Variants in FAM135B observed in about 807,000 individuals in gnomAD.
FAM135B encodes the protein protein FAM135B.
A neutral mutation model predicts 127.7 loss-of-function variants in FAM135B; 43 were observed. The observed-to-expected ratio is 0.34, with a 90% CI of 0.26 to 0.43. The LOEUF is 0.43. Ranked by LOEUF, FAM135B falls within the 20% of genes least tolerant of loss-of-function variation. FAM135B has a pLI of 1.00. For missense variants in FAM135B, 1,558 were observed against 1,725.6 expected (o/e 0.90, Z 1.72); for synonymous variants, 670 against 665.1 (o/e 1.01, Z -0.11).
intron 1 of FAM135B, among the ~76,000 whole-genome samples, chr8:138,376,807 T>G (rs989911662): frequency 1.3e-5 from 2 of 152,210 alleles, no homozygotes; most frequent in Non-Finnish European, 2.9e-5. Flanking sequence ...GCAATCACTA[T>G]TTTTATTTCC....
intron 3 of FAM135B, among the ~76,000 whole-genome samples, chr8:138,278,122 G>A (rs1422955587): frequency 2.0e-5 from 3 of 152,074 alleles, no homozygotes; most frequent in Middle Eastern, 3.4e-3. Context: ...GCACCAAGAC[G>A]TTGATGTGAC....
intron 19 of FAM135B, among the ~76,000 whole-genome samples, chr8:138,133,292 A>C (rs1193613632): frequency 6.6e-6 from 1 of 152,158 alleles, no homozygotes; most frequent in Non-Finnish European, 1.5e-5. Flanking sequence ...AGTTTTCTTT[A>C]TGTTGGTTTG....
intron 2 of FAM135B, among the ~76,000 whole-genome samples, chr8:138,358,078 G>C (rs1830201168): frequency 6.6e-6 from 1 of 152,104 alleles, no homozygotes; most frequent in South Asian, 2.1e-4. Context: ...GCAGGCAAGA[G>C]AGCATGTGTA....
At chr8:138,277,843 A>G (rs1823951221) in intron 3 of FAM135B, among the ~76,000 whole-genome samples, 1 of 152,164 alleles carries the variant, frequency 6.6e-6, no homozygotes, top group African/African-American at 2.4e-5. Context: ...GCATCCCTCC[A>G]ATACACACAC....
At chr8:138,266,595 ATATATG>A (rs1281308876) in intron 3 of FAM135B, among the ~76,000 whole-genome samples, 5 of 136,340 alleles carry the variant, frequency 3.7e-5, no homozygotes, top group Admixed American at 7.5e-5. Context: ...GTGTGTGTAT[ATATATG>A]TATATGTATA....
intron 2 of FAM135B, among the ~76,000 whole-genome samples, chr8:138,337,476 A>G (rs1299224711): frequency 6.6e-6 from 1 of 151,198 alleles, no homozygotes; most frequent in Admixed American, 6.6e-5. Context: ...AGACAAACAG[A>G]GGGCCAAATC....
intron 3 of FAM135B, 24 bp from the exon 4 acceptor site, chr8:138,265,866 A>G (rs1190488091): frequency 1.2e-6 from 2 of 1,610,492 alleles, no homozygotes; most frequent in African/African-American, 2.7e-5. Context: ...ATCAGTAGGA[A>G]CCCATGAACT....
At chr8:138,449,521 T>C (rs1395821940) in intron 1 of FAM135B, among the ~76,000 whole-genome samples, 1 of 152,128 alleles carries the variant, frequency 6.6e-6, no homozygotes, top group African/African-American at 2.4e-5. Context: ...GGTGGTCATC[T>C]AAGTGGAAAC....
chr8:138,264,822 C>T (rs1354332095), intron 4 of FAM135B, among the ~76,000 whole-genome samples: 1 of 151,956 alleles, frequency 6.6e-6, no homozygotes, highest in Non-Finnish European at 1.5e-5. Flanking sequence ...TAATAGATGC[C>T]CAATAGGAGC....
Position 138,141,531 on chromosome 8 carries a change from C to A in FAM135B, c.3639-182G>T, listed in dbSNP as rs1817147187. ...GTTTCAAAACACTGGCCATGAGAAG[C>A]CTGAGATGGGGTCTTTGTGAATGGG... is the stretch of plus-strand genomic sequence containing the variant. On this transcript the variant is annotated intron_variant, in intron 16 of 19. Transcript: ENST00000395297. This position sits in a 1 kb window ranked among gnomAD's most constrained non-coding sequence, Gnocchi z 4.7. 6.6e-6 allele frequency among the ~76,000 whole-genome samples: 1 copy of A among 152,172 alleles called. No homozygotes were observed. The highest frequency in any genetic ancestry group is 2.4e-5 in the African/African-American group (1 of 41,448).
chr8:138,478,067 T>A (rs902765489), intron 1 of FAM135B, among the ~76,000 whole-genome samples: 1 of 152,026 alleles, frequency 6.6e-6, no homozygotes, highest in African/African-American at 2.4e-5. Flanking sequence ...TGTCGTGAGG[T>A]TTTTGTTATT....
At chr8:138,218,764 CACAGAGAGAGAGAG>C (rs1563783589) in intron 7 of FAM135B, among the ~76,000 whole-genome samples, 3 of 67,490 alleles carry the variant, frequency 4.4e-5, no homozygotes, top group African/African-American at 1.6e-4. Context: ...CACACACACA[CACAGAGAGAGAGAG>C]AGAGAGAGAG....
chr8:138,238,578 C>T (rs528960686), intron 7 of FAM135B, among the ~76,000 whole-genome samples: 20 of 152,304 alleles, frequency 1.3e-4, no homozygotes, highest in East Asian at 3.9e-4. Context: ...TGATTTTTTA[C>T]GCCAATCAGC....
chr8:138,211,974 A>C (rs1262647874), intron 7 of FAM135B, among the ~76,000 whole-genome samples: 1 of 152,188 alleles, frequency 6.6e-6, no homozygotes, highest in Non-Finnish European at 1.5e-5. Flanking sequence ...AGGCTGAGGC[A>C]GGGCAATCAC....
At chr8:138,245,191 T>A (rs1821181870) in intron 6 of FAM135B, among the ~76,000 whole-genome samples, 1 of 152,200 alleles carries the variant, frequency 6.6e-6, no homozygotes, top group African/African-American at 2.4e-5. Flanking sequence ...CAGACAAACT[T>A]GCAAAAGACT....
chr8:138,322,188 T>C (rs963027331), intron 2 of FAM135B, among the ~76,000 whole-genome samples: 7 of 152,294 alleles, frequency 4.6e-5, no homozygotes, highest in Admixed American at 6.5e-5. Context: ...AGGGACTCTG[T>C]AAATGGTAGC....
At chr8:138,272,053 T>C (rs1298462611) in intron 3 of FAM135B, among the ~76,000 whole-genome samples, 1 of 152,166 alleles carries the variant, frequency 6.6e-6, no homozygotes, top group African/African-American at 2.4e-5. Context: ...CATTCATTAT[T>C]TAACTCAACA....
intron 4 of FAM135B, among the ~76,000 whole-genome samples, chr8:138,262,224 G>A (rs1223542605): frequency 1.3e-5 from 2 of 152,160 alleles, no homozygotes; most frequent in African/African-American, 2.4e-5. Flanking sequence ...GCTTTAAATT[G>A]TCAGGGACAA....
intron 1 of FAM135B, among the ~76,000 whole-genome samples, chr8:138,411,474 C>G (rs931693593): frequency 2.0e-5 from 3 of 151,998 alleles, no homozygotes; most frequent in African/African-American, 7.3e-5. Context: ...ACACCTTATA[C>G]GAAAATCAAT....
Sources: gnomAD v4.1 joint callset for allele counts (sites outside exome capture counted in the v4.1 genomes callset) on GRCh38, gnomAD v4.1.1 for gene constraint, Gnocchi (gnomAD v3.1) non-coding constraint, MANE v1.5 for transcripts, NCBI Gene and HGNC (gene_info 2026-07-23, HGNC 2026-07-21) for gene names.